PTCD2: variants seen among roughly 807,000 people sequenced by gnomAD.
The protein encoded by PTCD2 is pentatricopeptide repeat-containing protein 2, mitochondrial.
In PTCD2, 31 loss-of-function variants were observed where a neutral mutation model predicts 42.6. The ratio of observed to expected loss-of-function variants is 0.73; its 90% CI spans 0.55 to 0.98. PTCD2 has a LOEUF of 0.98. Ranked by LOEUF, PTCD2 falls within the 50% of genes least tolerant of loss-of-function variation. PTCD2 has a pLI of 0.00. For missense variants in PTCD2, 476 were observed against 454.8 expected (o/e 1.05, Z -0.42); for synonymous variants, 183 against 170.9 (o/e 1.07, Z -0.55).
intron 6 of PTCD2, among the ~76,000 whole-genome samples, chr5:72,337,748 G>A (rs778236582): frequency 2.0e-5 from 3 of 152,130 alleles, no homozygotes; most frequent in African/African-American, 4.8e-5. Context: ...AGCTGAAATC[G>A]CACCATTGCA....
chr5:72,332,289 G>C (rs931401991), intron 4 of PTCD2, among the ~76,000 whole-genome samples: 1 of 152,066 alleles, frequency 6.6e-6, no homozygotes, highest in Non-Finnish European at 1.5e-5. Context: ...TGACACCTGT[G>C]TATTAGAAAG....
Position 72,320,525 on chromosome 5 carries a change from G to A in PTCD2, c.127+16G>A. 6.2e-7 allele frequency: 1 copy of A among 1,613,276 alleles called. No individual in the cohort carries two copies. Among genetic ancestry groups the A allele is most frequent in the Non-Finnish European group, 8.5e-7 (1 of 1,180,004 alleles). On this transcript the variant is annotated intron_variant, in intron 1 of 9. Coordinates refer to ENST00000380639, the MANE Select transcript of PTCD2 (RefSeq NM_024754.5). The stretch of plus-strand genomic sequence containing the variant: ...CCTCTCGGAGGTATCCGCGGCTTTA[G>A]CCTAGGGAAGGAGGGGAGGGATGGG...
chr5:72,331,613 G>C (rs1751444486), intron 4 of PTCD2, among the ~76,000 whole-genome samples: 1 of 152,160 alleles, frequency 6.6e-6, no homozygotes, highest in Non-Finnish European at 1.5e-5. Flanking sequence ...CCTTGGATGT[G>C]TATCAATGTG....
chr5:72,324,927 T>G (rs1195998477), intron 2 of PTCD2, among the ~76,000 whole-genome samples: 1 of 143,126 alleles, frequency 7.0e-6, no homozygotes, highest in Non-Finnish European at 1.5e-5. Context: ...TAAGGTGTTG[T>G]TTTTTTTTTT....
At chr5:72,331,540 G>C (rs550650235) in intron 4 of PTCD2, among the ~76,000 whole-genome samples, 165 bp downstream of exon 4, 4 of 152,310 alleles carry the variant, frequency 2.6e-5, no homozygotes, top group Admixed American at 2.6e-4. Context: ...CAGTCAGTTT[G>C]TGTGAAGGGG....
Position 72,368,071 on chromosome 5 carries a change from TC to T in PTCD2, c.*9647del, listed in dbSNP as rs1753241542. 1 of 152,320 alleles carries T rather than the reference TC, an allele frequency of 6.6e-6. No individual in the cohort carries two copies. 9.4% of individuals were successfully genotyped at this position (152,320 alleles called of 1,614,324 possible). A position where few individuals can be genotyped will look rare whatever the true frequency, so the allele number is the denominator to read the frequency against. On this transcript the variant is annotated 3_prime_UTR_variant, in exon 10 of 10. Transcript: ENST00000380639. ...GACTATTTGGGTCTATTTTCAAAAATCCCTTTTTCTTCTCTAAACTATCTCA... is the reference window on the plus strand; with the variant it reads ...GACTATTTGGGTCTATTTTCAAAAATCCTTTTTCTTCTCTAAACTATCTCA...
chr5:72,358,478 A>G lies in PTCD2; in HGVS notation c.*51A>G. On this transcript the variant is annotated 3_prime_UTR_variant, in exon 10 of 10. Coordinates refer to ENST00000380639, the MANE Select transcript of PTCD2 (RefSeq NM_024754.5). ...CTGAGGGGCCTGCTTCTAGTGAGTT[A>G]TTACCTTTCCTAAGAAGCCAGGTAT... 1 of 1,366,890 alleles carries G rather than the reference A, an allele frequency of 7.3e-7. No individual in the cohort carries two copies. 84.7% of individuals were successfully genotyped at this position (1,366,890 alleles called of 1,614,324 possible).
At chr5:72,349,058 G>A (rs768577083) in intron 8 of PTCD2, among the ~76,000 whole-genome samples, 4 of 152,330 alleles carry the variant, frequency 2.6e-5, no homozygotes, top group Non-Finnish European at 5.9e-5. Context: ...AATAAAACCT[G>A]TACAAATTAG....
At chr5:72,325,587 G>A (rs932747291) in intron 2 of PTCD2, among the ~76,000 whole-genome samples, 1 of 152,182 alleles carries the variant, frequency 6.6e-6, no homozygotes, top group African/African-American at 2.4e-5. Context: ...ACATGGTTCT[G>A]CAAATAAAAA....
chr5:72,331,125 C>G (rs983118178), intron 3 of PTCD2, 133 bp from the exon 4 acceptor site: 15 of 660,294 alleles, frequency 2.3e-5, no homozygotes, highest in Non-Finnish European at 4.2e-5. Context: ...ATCTCCATTT[C>G]TCCCCCTCCA....
chr5:72,344,915 G>A (rs774668707), intron 8 of PTCD2, among the ~76,000 whole-genome samples: 1 of 152,128 alleles, frequency 6.6e-6, no homozygotes, highest in Non-Finnish European at 1.5e-5. Flanking sequence ...GAGGCAGGGC[G>A]AGATCACAGG....
At chr5:72,322,331 A>T in intron 2 of PTCD2, 67 bp downstream of exon 2, 1 of 955,870 alleles carries the variant, frequency 1.0e-6, no homozygotes, top group Non-Finnish European at 1.7e-6. Context: ...CTTTATCCCT[A>T]TTCAGTGTCT....
At chr5:72,357,683 T>C (rs1053164912) in intron 9 of PTCD2, among the ~76,000 whole-genome samples, 2 of 152,202 alleles carry the variant, frequency 1.3e-5, no homozygotes, top group African/African-American at 2.4e-5. Flanking sequence ...TTGGTGTGTT[T>C]CATTATATAT....
At chr5:72,324,981 G>T (rs1460928046) in intron 2 of PTCD2, among the ~76,000 whole-genome samples, 2 of 151,682 alleles carry the variant, frequency 1.3e-5, no homozygotes, top group Admixed American at 6.6e-5. Flanking sequence ...GGAGTACAGT[G>T]GCATGATCTC....
chr5:72,349,599 C>T (rs1046465931), intron 8 of PTCD2, among the ~76,000 whole-genome samples: 3 of 152,050 alleles, frequency 2.0e-5, no homozygotes, highest in Non-Finnish European at 4.4e-5. Flanking sequence ...TATCTAGTAA[C>T]GTATTTCCTG....
At chr5:72,349,571 C>G (rs755716774) in intron 8 of PTCD2, among the ~76,000 whole-genome samples, 2 of 152,150 alleles carry the variant, frequency 1.3e-5, no homozygotes, top group South Asian at 2.1e-4. Context: ...GGCTTCTGTT[C>G]CCTTTTTTGT....
At chr5:72,335,662 T>C in intron 5 of PTCD2, 132 bp from the exon 6 acceptor site, 1 of 511,856 alleles carries the variant, frequency 2.0e-6, no homozygotes, top group East Asian at 3.1e-5. Flanking sequence ...AGTTAATTGC[T>C]AAATGACTTT....
chr5:72,352,928 A>C (rs1188084995), intron 9 of PTCD2, among the ~76,000 whole-genome samples, 174 bp downstream of exon 9: 1 of 152,048 alleles, frequency 6.6e-6, no homozygotes, highest in African/African-American at 2.4e-5. Flanking sequence ...TTTTTCTTCC[A>C]ACAGAATATA....
rs1452219914 is a variant in PTCD2, at chr5:72,363,517, T to C, written c.*5090T>C. 6.6e-6 allele frequency: 1 copy of C among 152,310 alleles called. No homozygotes were observed. The highest frequency in any genetic ancestry group is 1.5e-5 in the Non-Finnish European group (1 of 68,168). 9.4% of individuals were successfully genotyped at this position (152,310 alleles called of 1,614,324 possible). A position where few individuals can be genotyped will look rare whatever the true frequency, so the allele number is the denominator to read the frequency against. ...CATCCTCTGTGTCCTCTGGTCTCAG[T>C]TGTGAGGAGGGGGAAGAGTGGGAAG... is the stretch of plus-strand genomic sequence containing the variant. On this transcript the variant is annotated 3_prime_UTR_variant, in exon 10 of 10. Coordinates refer to ENST00000380639, the MANE Select transcript of PTCD2 (RefSeq NM_024754.5).
Sources: allele counts gnomAD v4.1 joint callset (sites outside exome capture counted in the v4.1 genomes callset), GRCh38; gene constraint gnomAD v4.1.1; transcripts MANE v1.5; gene names NCBI Gene and HGNC (gene_info 2026-07-23, HGNC 2026-07-21).